RNF103: variants seen among roughly 807,000 people sequenced by gnomAD.
The protein encoded by RNF103 is ring finger protein 103.
In RNF103, 23 loss-of-function variants were observed where a neutral mutation model predicts 66.2. The ratio of observed to expected loss-of-function variants is 0.35; its 90% CI spans 0.25 to 0.49. The LOEUF (loss-of-function observed/expected upper bound fraction) is 0.49. Among genes scored for constraint, RNF103 ranks in the 20% least tolerant of loss-of-function variants. The pLI is 0.98. For missense variants in RNF103, 730 were observed against 814.7 expected, an observed-to-expected ratio of 0.90 and a Z score of 1.27; for synonymous variants, 297 against 289.9, an observed-to-expected ratio of 1.02 and a Z score of -0.25.
intron 2 of RNF103, chr2:86,614,701 T>C: frequency 7.5e-6 from 5 of 663,722 alleles, no homozygotes; most frequent in Non-Finnish European, 7.0e-6. Context: ...TTTATTTTTA[T>C]TGCTACCACT....
chr2:86,622,533 C>T, intron 1 of RNF103, 128 bp downstream of exon 1: 2 of 862,412 alleles, frequency 2.3e-6, no homozygotes, highest in Non-Finnish European at 3.7e-6. Flanking sequence ...GAAGCTTGGA[C>T]GAAGAAACCT....
chr2:86,619,122 T>C (rs1679128976), intron 2 of RNF103, among the ~76,000 whole-genome samples: 1 of 152,204 alleles, frequency 6.6e-6, no homozygotes, highest in Non-Finnish European at 1.5e-5. Context: ...TTATCCTTTT[T>C]AGATGTATAT....
At chr2:86,617,605 C>A in intron 2 of RNF103, 1 of 952,244 alleles carries the variant, frequency 1.1e-6, no homozygotes, top group Non-Finnish European at 1.3e-6. Context: ...GGAACGCATC[C>A]CCCTCAGATA....
chr2:86,609,857 AT>A (rs1265417462), intron 3 of RNF103, among the ~76,000 whole-genome samples: 1 of 152,164 alleles, frequency 6.6e-6, no homozygotes, highest in Non-Finnish European at 1.5e-5. Context: ...GAGTTTTGGT[AT>A]TTTTAAAACT....
In RNF103 at chr2:86,605,270, C is replaced by T. The variant is rs750016390; in HGVS notation, c.631G>A (p.Ala211Thr). 8.1e-6 allele frequency: 13 copies of T among 1,614,026 alleles called. No homozygotes were observed. Among genetic ancestry groups the T allele is most frequent in the Middle Eastern group, 1.6e-4 (1 of 6,084 alleles). The part of the protein sequence containing the change: ...HIFKWITAHA[A>T]SRIKTIYNAE... ...TTATAAATGGTTTTGATCCGAGAAGCTGCATGAGCAGTTATCCATTTAAAA... is the reference window on the plus strand; with the variant it reads ...TTATAAATGGTTTTGATCCGAGAAGTTGCATGAGCAGTTATCCATTTAAAA... Residue 211 changes from alanine to threonine, a missense_variant, in exon 4 of 4, where the codon GCT (alanine) becomes ACT (threonine). Around this residue, in one of 3 missense-constraint regions of RNF103, gnomAD observed 327 missense variants for 369.8 expected, o/e 0.88. Coordinates refer to ENST00000237455, the MANE Select transcript of RNF103 (RefSeq NM_005667.4).
chr2:86,620,447 G>C lies in RNF103; in HGVS notation c.249C>G (p.Leu83=), dbSNP rs774168835. The change falls in exon 2 of 4, where the codon CTC becomes CTG. Residue 83 remains leucine (L), a synonymous_variant. Transcript: ENST00000237455. ...EKSGDLMEGE[L]YSALKEEEAS... is the part of the protein sequence containing the mutation. ...CTTCTTCTTCCTTGAGAGCAGAATA[G>C]AGCTCACCCTCCATCAAGTCACCTG... is the stretch of plus-strand genomic sequence containing the variant. The C allele has an allele frequency of 9.4e-6, 15 of 1,594,184 alleles. No homozygotes were observed. The highest frequency in any genetic ancestry group is 1.1e-5 in the Non-Finnish European group (13 of 1,166,192).
In RNF103 at chr2:86,605,417, A is replaced by T. The variant is rs1165528123; in HGVS notation, c.484T>A (p.Tyr162Asn). The stretch of plus-strand genomic sequence containing the variant: ...CGGACCCAGCCTCTTCTCCTGCAAT[A>T]TCTACAAGAGAGGAAACTGTAAATA... ...GTFNCSSDPR[Y>N]CRRRGWVRST... Residue 162 changes from tyrosine to asparagine, a missense_variant and splice_region_variant, in exon 4 of 4, where the codon TAT becomes AAT. Coordinates refer to ENST00000237455, the MANE Select transcript of RNF103 (RefSeq NM_005667.4). 9.4e-6 allele frequency: 15 copies of T among 1,600,998 alleles called. No homozygotes were observed. The highest frequency in any genetic ancestry group is 1.3e-5 in the Non-Finnish European group (15 of 1,174,806).
chr2:86,620,111 C>G (rs1018741274), intron 2 of RNF103, among the ~76,000 whole-genome samples: 2 of 152,016 alleles, frequency 1.3e-5, no homozygotes, highest in Non-Finnish European at 2.9e-5. Flanking sequence ...AAAAGTTGAC[C>G]CCCATCCCCC....
At chr2:86,611,550 G>T (rs1420253089) in intron 3 of RNF103, among the ~76,000 whole-genome samples, 2 of 152,012 alleles carry the variant, frequency 1.3e-5, no homozygotes, top group Non-Finnish European at 2.9e-5. Flanking sequence ...TACTGGAAAT[G>T]ATGACAAAAA....
At chr2:86,617,748 C>G in intron 2 of RNF103, 1 of 1,011,394 alleles carries the variant, frequency 9.9e-7, no homozygotes, top group Non-Finnish European at 1.2e-6. Flanking sequence ...GACAATATTT[C>G]TCTTCTGTTT....
chr2:86,609,843 C>A (rs1678722772), intron 3 of RNF103, among the ~76,000 whole-genome samples: 1 of 152,128 alleles, frequency 6.6e-6, no homozygotes, highest in Non-Finnish European at 1.5e-5. Flanking sequence ...GACAGTGGGG[C>A]ACAGAGTTTT....
At chr2:86,616,945 T>G (rs1679045955) in intron 2 of RNF103, 1 of 985,318 alleles carries the variant, frequency 1.0e-6, no homozygotes, top group African/African-American at 1.7e-5. Context: ...AGTAACCATC[T>G]TCTATTTGTA....
At chr2:86,615,768 C>A (rs1678994547) in intron 2 of RNF103, among the ~76,000 whole-genome samples, 1 of 152,032 alleles carries the variant, frequency 6.6e-6, no homozygotes, top group Non-Finnish European at 1.5e-5. Flanking sequence ...TGGAACAGAC[C>A]TGGCAATACA....
rs746516136 is a variant in RNF103, at chr2:86,603,900, A to G, written c.2001T>C (p.Tyr667=). Residue 667 remains tyrosine (Y), a synonymous_variant, in exon 4 of 4, where the codon TAT becomes TAC. Transcript: ENST00000237455. ...GTTGTGCATATGGCTGCTTTTTTTT[A>G]TAAGAAGGCCACCGGCAAACAGGGC... is the stretch of plus-strand genomic sequence containing the variant. ...HCCPVCRWPS[Y]KKKQPYAQHQ... is the part of the protein sequence containing the mutation. The G allele has an allele frequency of 1.2e-6, 2 of 1,613,866 alleles. No homozygotes were observed. The highest frequency in any genetic ancestry group is 1.7e-6 in the Non-Finnish European group (2 of 1,179,950).
intron 1 of RNF103, among the ~76,000 whole-genome samples, chr2:86,622,281 TGACA>T (rs900248595): frequency 6.6e-6 from 1 of 152,232 alleles, no homozygotes; most frequent in Non-Finnish European, 1.5e-5. Context: ...ATATTGCTAT[TGACA>T]GACAACGTTT....
intron 2 of RNF103, chr2:86,617,993 C>G (rs1486927530): frequency 2.1e-6 from 1 of 470,176 alleles, no homozygotes; most frequent in Non-Finnish European, 4.2e-6. Flanking sequence ...CAGTGGTGGT[C>G]AATGCAAACC....
intron 1 of RNF103, among the ~76,000 whole-genome samples, chr2:86,620,905 T>C (rs1297761387): frequency 1.3e-5 from 2 of 152,198 alleles, no homozygotes; most frequent in Non-Finnish European, 2.9e-5. Flanking sequence ...GTTCACAGAA[T>C]TTGCCATCAG....
At chr2:86,616,588 G>A (rs1679033775) in intron 2 of RNF103, 1 of 985,264 alleles carries the variant, frequency 1.0e-6, no homozygotes, top group Non-Finnish European at 1.2e-6. Context: ...CTTTTGTCTA[G>A]GAGCAAAGAT....
chr2:86,618,139 G>A, intron 2 of RNF103: 2 of 281,442 alleles, frequency 7.1e-6, no homozygotes, highest in Admixed American at 4.2e-5. Flanking sequence ...AATATTTTCA[G>A]AGAAAAAAAA....
Sources: allele counts gnomAD v4.1 joint callset (sites outside exome capture counted in the v4.1 genomes callset), GRCh38; gene constraint gnomAD v4.1.1; regional missense constraint gnomAD v4.1.1; transcripts MANE v1.5; gene names NCBI Gene and HGNC (gene_info 2026-07-23, HGNC 2026-07-21).